ANKRD30BL: variants seen among roughly 807,000 people sequenced by gnomAD.
ANKRD30BL encodes the protein putative ankyrin repeat domain-containing protein 30B-like.
In ANKRD30BL, 20 loss-of-function variants were observed where a neutral mutation model predicts 18.4. The ratio of observed to expected loss-of-function variants is 1.09; its 90% CI spans 0.77 to 1.58. The LOEUF (loss-of-function observed/expected upper bound fraction) is 1.58. Ranked by LOEUF, ANKRD30BL falls within the 40% of genes most tolerant of loss-of-function variation. ANKRD30BL has a pLI of 0.00. For synonymous variants in ANKRD30BL, 72 were observed against 100.9 expected (o/e 0.71, Z 1.72); for missense variants, 224 against 268.6 (o/e 0.83, Z 1.16).
In ANKRD30BL at chr2:132,161,702, C is replaced by A. The variant is rs1472932864; in HGVS notation, c.4G>T (p.Glu2Ter). M[E>*]RLSAAPVKGQ... is the part of the protein sequence containing the mutation. ...TTGACAGGGGCGGCAGAGAGCCTCT[C>A]CATGGCTGCAGCCACCTGCTAGAGA... The change falls in exon 1 of 6, where the codon GAG becomes TAG. Residue 2 changes from glutamate (E) to a stop codon, truncating the protein, a stop_gained. Coordinates refer to ENST00000409867, the MANE Select transcript of ANKRD30BL (RefSeq NM_001358416.1). LOFTEE classifies it high-confidence loss of function. 7.0e-7 allele frequency: 1 copy of A among 1,424,400 alleles called. No individual in the cohort carries two copies. The highest frequency in any genetic ancestry group is 1.4e-5 in the African/African-American group (1 of 70,154). 88.2% of individuals were successfully genotyped at this position (1,424,400 alleles called of 1,614,324 possible). A position where few individuals can be genotyped will look rare whatever the true frequency, so the allele number is the denominator to read the frequency against.
intron 1 of ANKRD30BL, among the ~76,000 whole-genome samples, chr2:132,233,525 G>A (rs1432963847): frequency 6.9e-6 from 1 of 145,348 alleles, no homozygotes. Context: ...AAAAAGGCAG[G>A]GGTTGCAATC....
At chr2:132,158,008 G>A (rs1032615655) in intron 1 of ANKRD30BL, among the ~76,000 whole-genome samples, 35 of 150,018 alleles carry the variant, frequency 2.3e-4, no homozygotes, top group Admixed American at 1.2e-3. Context: ...TTGAAATGCC[G>A]CTTATAAGTC....
chr2:132,160,560 T>C (rs1387426278), intron 1 of ANKRD30BL, among the ~76,000 whole-genome samples: 1 of 151,886 alleles, frequency 6.6e-6, no homozygotes, highest in African/African-American at 2.4e-5. Flanking sequence ...TGACTCAGCC[T>C]CCCAAGTATC....
intron 1 of ANKRD30BL, among the ~76,000 whole-genome samples, chr2:132,231,772 G>A (rs552288659): frequency 1.1e-3 from 163 of 152,338 alleles, no homozygotes; most frequent in African/African-American, 3.6e-3. Flanking sequence ...AGGGGCACCC[G>A]CCATTACCCA....
chr2:132,155,466 C>G (rs1358039043), intron 3 of ANKRD30BL: 2 of 152,154 alleles, frequency 1.3e-5, no homozygotes, highest in Admixed American at 1.3e-4. Flanking sequence ...TCAGGCACTC[C>G]TGCTCTAAAT....
chr2:132,203,853 A>C (rs1208899631), intron 1 of ANKRD30BL, among the ~76,000 whole-genome samples: 2 of 152,186 alleles, frequency 1.3e-5, no homozygotes, highest in Non-Finnish European at 2.9e-5. Context: ...GTTTCATCAA[A>C]AAATGATGAG....
chr2:132,232,854 G>T (rs543765084), intron 1 of ANKRD30BL, among the ~76,000 whole-genome samples: 2 of 151,886 alleles, frequency 1.3e-5, no homozygotes, highest in African/African-American at 4.8e-5. Flanking sequence ...GATACTCCTC[G>T]AGAAGAGCAA....
In ANKRD30BL at chr2:132,232,029, T is replaced by C. The variant is rs542123903; in HGVS notation, n.441+25500A>G. Among the ~76,000 whole-genome samples the C allele has an allele frequency of 2.1e-3, 316 of 152,360 alleles. 2 individuals carry two copies. Among genetic ancestry groups the C allele is most frequent in the African/African-American group, 7.4e-3 (307 of 41,588 alleles). On this transcript the variant is annotated intron_variant and non_coding_transcript_variant, in intron 1 of 4. Transcript: ENST00000470729. ...CCTCATCAAGTGGGTCCCTGACCCC[T>C]GACCCCCGAGCAGCCTAACTGGGAG...
chr2:132,199,358 CAAAT>C lies in ANKRD30BL; in HGVS notation n.442-42216_442-42213del, dbSNP rs530697723. Among the ~76,000 whole-genome samples the C allele has an allele frequency of 3.0e-3, 461 of 151,894 alleles. 5 individuals are homozygous for C. Among genetic ancestry groups the C allele is most frequent in the African/African-American group, 0.011 (440 of 41,456 alleles). ...CTGGAGACACAGCAAGACTCCGTCT[CAAAT>C]AAATAAATAAATAAATAAATAATAA... On this transcript the variant is annotated intron_variant and non_coding_transcript_variant, in intron 1 of 4. Transcript: ENST00000470729.
chr2:132,153,529 C>T (rs1687819652), intron 4 of ANKRD30BL: 2 of 502,194 alleles, frequency 4.0e-6, no homozygotes. Context: ...TATAAAATCT[C>T]ACCTAGCCTT....
At chr2:132,171,783 A>G (rs191107985) in intron 1 of ANKRD30BL, among the ~76,000 whole-genome samples, 1 of 152,346 alleles carries the variant, frequency 6.6e-6, no homozygotes, top group African/African-American at 2.4e-5. Flanking sequence ...TTCAGAGGAC[A>G]TTACATTCAC....
Position 132,222,832 on chromosome 2 carries a change from T to TAAAAAAAAA in ANKRD30BL, n.441+34688_441+34696dup, listed in dbSNP as rs71001178. Among the ~76,000 whole-genome samples, 250 of 52,790 alleles carry TAAAAAAAAA rather than the reference T, an allele frequency of 4.7e-3. 11 individuals carry two copies. Among genetic ancestry groups the TAAAAAAAAA allele is most frequent in the Middle Eastern group, 0.026 (1 of 38 alleles). The allele number at this position is 52,790 out of a possible 152,430, so 34.6% of individuals were successfully genotyped here. Reference sequence around the variant, plus strand: ...GTGAGAAACAGCCAAGAATGATCAATAAAAAAAAAAAAAAAAAAAAAAAAA... The same window carrying TAAAAAAAAA: ...GTGAGAAACAGCCAAGAATGATCAATAAAAAAAAAAAAAAAAAAAAAAAAAAAAAAAAAA... On this transcript the variant is annotated intron_variant and non_coding_transcript_variant, in intron 1 of 4. Transcript: ENST00000470729.
chr2:132,205,676 C>G (rs1035807915), intron 1 of ANKRD30BL, among the ~76,000 whole-genome samples: 11 of 150,594 alleles, frequency 7.3e-5, no homozygotes, highest in African/African-American at 2.4e-4. Context: ...AGCATGGGGC[C>G]AACATTGAGT....
intron 1 of ANKRD30BL, among the ~76,000 whole-genome samples, chr2:132,198,449 G>A (rs1031127397): frequency 7.3e-5 from 11 of 149,908 alleles, no homozygotes; most frequent in Admixed American, 2.0e-4. Context: ...TCAGCTTCCT[G>A]AGTAGCTGGT....
intron 1 of ANKRD30BL, among the ~76,000 whole-genome samples, chr2:132,240,118 G>A (rs1313215393): frequency 2.0e-5 from 3 of 151,594 alleles, no homozygotes; most frequent in Non-Finnish European, 3.0e-5. Context: ...CATTTTGTGC[G>A]ATATGAGACC....
At chr2:132,202,489 G>A (rs1197890069) in intron 1 of ANKRD30BL, among the ~76,000 whole-genome samples, 1 of 150,158 alleles carries the variant, frequency 6.7e-6, no homozygotes, top group African/African-American at 2.5e-5. Flanking sequence ...AAAAAATCAA[G>A]TAATTTTAAT....
intron 1 of ANKRD30BL, among the ~76,000 whole-genome samples, chr2:132,225,325 C>T (rs1466520230): frequency 6.7e-6 from 1 of 150,320 alleles, no homozygotes; most frequent in African/African-American, 2.4e-5. Flanking sequence ...AAATATCTTC[C>T]CATAAAAACT....
intron 1 of ANKRD30BL, among the ~76,000 whole-genome samples, chr2:132,231,817 C>G (rs534610276): frequency 6.6e-6 from 1 of 152,242 alleles, no homozygotes; most frequent in African/African-American, 2.4e-5. Context: ...CCAGGAAGCT[C>G]GAACTGGGTG....
At chr2:132,223,909 T>C (rs1412987816) in intron 1 of ANKRD30BL, among the ~76,000 whole-genome samples, 3 of 151,182 alleles carry the variant, frequency 2.0e-5, no homozygotes, top group Non-Finnish European at 3.0e-5. Flanking sequence ...TTTAGTAGAA[T>C]CTGCAAGTGG....
Sources: allele counts gnomAD v4.1 joint callset (sites outside exome capture counted in the v4.1 genomes callset), GRCh38; gene constraint gnomAD v4.1.1; transcripts MANE v1.5; gene names NCBI Gene and HGNC (gene_info 2026-07-23, HGNC 2026-07-21).